Variants in RNF175 observed in about 807,000 individuals in gnomAD.
RNF175 encodes the protein ring finger protein 175.
In RNF175, 38 loss-of-function variants were observed where a neutral mutation model predicts 50.0. The observed-to-expected ratio is 0.76, with a 90% CI of 0.59 to 1.00. The LOEUF is 1.00. Among genes scored for constraint, RNF175 ranks in the 50% least tolerant of loss-of-function variants. The pLI is 0.00. For synonymous variants in RNF175, 155 were observed against 146.1 expected (o/e 1.06, Z -0.44); for missense variants, 388 against 409.6 (o/e 0.95, Z 0.46).
chr4:153,726,920 G>A (rs1738732083), intron 4 of RNF175, among the ~76,000 whole-genome samples: 1 of 152,214 alleles, frequency 6.6e-6, no homozygotes, highest in Non-Finnish European at 1.5e-5. Context: ...GCATGGGAAA[G>A]AGAGCGGACA....
intron 6 of RNF175, among the ~76,000 whole-genome samples, chr4:153,719,530 T>C (rs1053270432): frequency 8.5e-5 from 13 of 152,296 alleles, no homozygotes; most frequent in African/African-American, 3.1e-4. Context: ...CATAGATAAA[T>C]GCCCCTGATA....
chr4:153,723,478 G>T lies in RNF175; in HGVS notation c.402-20C>A. ...ACCAATCTGTGGAGTGAAAAATGGG[G>T]AGAAACACAGAACACAGAAACACAG... On this transcript the variant is annotated intron_variant, in intron 4 of 8. Transcript: ENST00000347063. 1 of 1,047,812 alleles carries T rather than the reference G, an allele frequency of 9.5e-7. No individual in the cohort carries two copies. Among genetic ancestry groups the T allele is most frequent in the South Asian group, 1.3e-5 (1 of 77,062 alleles). 64.9% of individuals were successfully genotyped at this position (1,047,812 alleles called of 1,614,324 possible).
At chr4:153,724,737 C>T (rs1738569189) in intron 4 of RNF175, among the ~76,000 whole-genome samples, 1 of 152,024 alleles carries the variant, frequency 6.6e-6, no homozygotes, top group Non-Finnish European at 1.5e-5. Flanking sequence ...TTCTGAACAT[C>T]ATGGTTTAAA....
At chr4:153,723,325 T>C (rs1738467531) in intron 5 of RNF175, 26 bp downstream of exon 5, 3 of 1,129,158 alleles carry the variant, frequency 2.7e-6, no homozygotes, top group Non-Finnish European at 4.0e-6. Flanking sequence ...CTTGGAGATA[T>C]TAATGTCTTA....
intron 1 of RNF175, among the ~76,000 whole-genome samples, chr4:153,754,515 GT>G (rs1170517834): frequency 1.3e-5 from 2 of 152,152 alleles, no homozygotes; most frequent in African/African-American, 4.8e-5. Context: ...CACATCCCTG[GT>G]TTAGGCACCG....
chr4:153,732,166 AG>A (rs1739078296), intron 3 of RNF175, among the ~76,000 whole-genome samples: 6 of 151,916 alleles, frequency 3.9e-5, no homozygotes, highest in Admixed American at 3.9e-4. Flanking sequence ...TGGGAAGCGG[AG>A]GTTGCAGTGA....
At position 153,718,208 on chromosome 4, in the gene RNF175, AGTTTTTTTTGTTTGTTTGTTTGTTTGTTT is replaced by A. The variant is rs1225401369; in HGVS notation, c.630+1947_630+1975del. Among the ~76,000 whole-genome samples, 280 of 98,230 alleles carry A rather than the reference AGTTTTTTTTGTTTGTTTGTTTGTTTGTTT, an allele frequency of 2.9e-3. 5 individuals are homozygous for A. Among genetic ancestry groups the A allele is most frequent in the African/African-American group, 0.011 (234 of 21,702 alleles). 64.4% of individuals were successfully genotyped at this position (98,230 alleles called of 152,430 possible). On this transcript the variant is annotated intron_variant, in intron 6 of 8. Transcript: ENST00000347063. ...TTAATAGCTCATTCCTTTCCTAAGG[AGTTTTTTTTGTTTGTTTGTTTGTTTGTTT>A]GTTTTTTTTTTTTTTGAAGCAGATG...
chr4:153,715,435 C>T (rs1194639396), intron 7 of RNF175, 94 bp downstream of exon 7: 1 of 1,264,704 alleles, frequency 7.9e-7, no homozygotes, highest in Non-Finnish European at 1.1e-6. Flanking sequence ...GGAAGGTAAG[C>T]AAGATGGAGG....
chr4:153,716,048 A>G lies in RNF175; in HGVS notation c.631-386T>C, dbSNP rs186332955. Among the ~76,000 whole-genome samples the G allele has an allele frequency of 5.2e-3, 688 of 132,848 alleles. 5 individuals carry two copies. Among genetic ancestry groups the G allele is most frequent in the African/African-American group, 0.018 (615 of 34,254 alleles). The allele number at this position is 132,848 out of a possible 152,430, so 87.2% of individuals were successfully genotyped here. ...CACTGCACTCTAGCCTGGGTGACAG[A>G]GCAAGACTCTGTCTCAAAAAAAAAA... On this transcript the variant is annotated intron_variant, in intron 6 of 8. Coordinates refer to ENST00000347063, the MANE Select transcript of RNF175 (RefSeq NM_173662.4).
chr4:153,745,303 C>T (rs750953417), intron 3 of RNF175, among the ~76,000 whole-genome samples: 18 of 152,138 alleles, frequency 1.2e-4, no homozygotes, highest in South Asian at 2.1e-4. Flanking sequence ...GGACAGGACC[C>T]GGGAACTTGA....
intron 6 of RNF175, among the ~76,000 whole-genome samples, chr4:153,717,360 G>A (rs776403555): frequency 1.3e-5 from 2 of 152,046 alleles, no homozygotes; most frequent in Non-Finnish European, 2.9e-5. Flanking sequence ...CCTATAATGA[G>A]CCATTTCTTC....
In RNF175 at chr4:153,726,484, G is replaced by A. The variant is rs151106913; in HGVS notation, c.401+1723C>T. 2.2e-3 allele frequency among the ~76,000 whole-genome samples: 339 copies of A among 152,226 alleles called. 2 individuals are homozygous for A. The highest frequency in any genetic ancestry group is 6.8e-3 in the African/African-American group (284 of 41,540). On this transcript the variant is annotated intron_variant, in intron 4 of 8. Coordinates refer to ENST00000347063, the MANE Select transcript of RNF175 (RefSeq NM_173662.4). ...AGGAAACTCACTTCCCCTTCTTTGG[G>A]CACCCCATCCTGAAACAAGAGCTTG...
chr4:153,749,302 AATT>A (rs1740163797), intron 2 of RNF175, among the ~76,000 whole-genome samples: 1 of 152,236 alleles, frequency 6.6e-6, no homozygotes, highest in African/African-American at 2.4e-5. Context: ...TATAAGGAAT[AATT>A]ATTATTGAGC....
Position 153,759,849 on chromosome 4 carries a change from G to A in RNF175, c.14C>T (p.Thr5Met), listed in dbSNP as rs989776891. 1 of 1,458,896 alleles carries A rather than the reference G, an allele frequency of 6.9e-7. No homozygotes were observed. The allele number at this position is 1,458,896 out of a possible 1,614,324, so 90.4% of individuals were successfully genotyped here. A position where few individuals can be genotyped will look rare whatever the true frequency, so the allele number is the denominator to read the frequency against. ...CACCGGCGCTGCCTTCCGCGCCGCC[G>A]TCCCCGCGGCCATGCCTGAGCCACT... MAAG[T>M]AARKAAPVLE... Residue 5 changes from threonine (T) to methionine (M), a missense_variant, in exon 1 of 9, where the codon ACG becomes ATG. Coordinates refer to ENST00000347063, the MANE Select transcript of RNF175 (RefSeq NM_173662.4).
intron 1 of RNF175, among the ~76,000 whole-genome samples, chr4:153,755,094 C>T (rs990477417): frequency 6.6e-5 from 10 of 152,222 alleles, no homozygotes; most frequent in Admixed American, 4.6e-4. Flanking sequence ...GACCTGCAGG[C>T]AGGGCTGTAA....
At chr4:153,721,051 C>T (rs1302164418) in intron 5 of RNF175, among the ~76,000 whole-genome samples, 3 of 152,068 alleles carry the variant, frequency 2.0e-5, no homozygotes, top group African/African-American at 7.2e-5. Context: ...TCTTGAAGCC[C>T]TTGATTACCA....
At position 153,715,512 on chromosome 4, in the gene RNF175, T is replaced by C. The variant is rs1222317268; in HGVS notation, c.764+17A>G. ...GAGGCTTGATGAAGCCCAAACAATT[T>C]CCTTTGAAAAGGATACACATGATTA... On this transcript the variant is annotated intron_variant, in intron 7 of 8. Transcript: ENST00000347063. The C allele has an allele frequency of 1.7e-5, 27 of 1,568,038 alleles. No homozygotes were observed. Among genetic ancestry groups the C allele is most frequent in the Non-Finnish European group, 2.3e-5 (27 of 1,156,216 alleles).
At chr4:153,750,919 A>G (rs1740261517) in intron 2 of RNF175, among the ~76,000 whole-genome samples, 2 of 152,224 alleles carry the variant, frequency 1.3e-5, no homozygotes, top group African/African-American at 4.8e-5. Flanking sequence ...AGATTAATCT[A>G]TAATAAAAAT....
intron 3 of RNF175, among the ~76,000 whole-genome samples, chr4:153,747,592 A>C (rs987304588): frequency 8.5e-5 from 13 of 152,194 alleles, no homozygotes; most frequent in Non-Finnish European, 1.8e-4. Context: ...CAACATTCTG[A>C]CCATGACCAC....
Sources: gnomAD v4.1 joint callset for allele counts (sites outside exome capture counted in the v4.1 genomes callset) on GRCh38, gnomAD v4.1.1 for gene constraint, MANE v1.5 for transcripts, NCBI Gene and HGNC (gene_info 2026-07-23, HGNC 2026-07-21) for gene names.